Variants in MRPL1 observed in about 807,000 individuals in gnomAD.
The protein encoded by MRPL1 is mitochondrial ribosomal protein L1.
Under a neutral mutation model 38.0 loss-of-function variants are expected in MRPL1, and 28 were observed. The observed-to-expected ratio is 0.74, with a 90% confidence interval of 0.55 to 1.01. The LOEUF (loss-of-function observed/expected upper bound fraction) is 1.01, where lower values mean the gene tolerates loss of function less well. Among genes scored for constraint, MRPL1 ranks in the 50% least tolerant of loss-of-function variants. The probability of loss-of-function intolerance (pLI) is 0.00; values close to 1 mark genes in which losing one functional copy is unlikely to be tolerated. For synonymous variants in MRPL1, 123 were observed against 126.7 expected, an observed-to-expected ratio of 0.97 and a Z score of 0.20; for missense variants, 358 against 389.8, an observed-to-expected ratio of 0.92 and a Z score of 0.69.
chr4:77,889,332 C>T (rs1280976885), intron 5 of MRPL1, among the ~76,000 whole-genome samples: 1 of 152,170 alleles, frequency 6.6e-6, no homozygotes, highest in African/African-American at 2.4e-5. Flanking sequence ...GACACTCACT[C>T]AAAACCGCTC....
rs1264163381 is a variant in MRPL1 at position 77,902,388 on chromosome 4, A to C, written c.671-6878A>C. 2.0e-5 allele frequency among the ~76,000 whole-genome samples: 3 copies of C among 147,798 alleles called. No homozygotes were observed. In the East Asian group the frequency reaches 5.8e-4, roughly 29 times the overall value. ...CAACATAGTGAGACCGGCTTTCTAA[A>C]AAAAAAAAAAAAAAAAACCGAGTTA... On this transcript the variant is annotated intron_variant, in intron 6 of 8. Transcript: ENST00000315567.
chr4:77,892,127 C>CTTTTT (rs34043885), intron 5 of MRPL1, among the ~76,000 whole-genome samples: 1 of 145,008 alleles, frequency 6.9e-6, no homozygotes. Flanking sequence ...GTAGTCATTT[C>CTTTTT]TTTTTTTTTT....
In MRPL1 at chr4:77,952,706, T is replaced by C. The variant is rs1374778129; in HGVS notation, c.*99T>C. ...ACATTTGATGTCTTGTTATTGATCATACTTGAAAGTGAACTTTAACATTGA... is the reference window on the plus strand; with the variant it reads ...ACATTTGATGTCTTGTTATTGATCACACTTGAAAGTGAACTTTAACATTGA... On this transcript the variant is annotated 3_prime_UTR_variant, in exon 9 of 9. Transcript: ENST00000315567. 1 of 721,598 alleles carries C rather than the reference T, an allele frequency of 1.4e-6. No individual in the cohort carries two copies. The highest frequency in any genetic ancestry group is 1.8e-5 in the African/African-American group (1 of 55,186). The allele number at this position is 721,598 out of a possible 1,614,324, so 44.7% of individuals were successfully genotyped here. A position where few individuals can be genotyped will look rare whatever the true frequency, so the allele number is the denominator to read the frequency against.
At chr4:77,870,641 G>A (rs1363139084) in intron 1 of MRPL1, among the ~76,000 whole-genome samples, 2 of 152,028 alleles carry the variant, frequency 1.3e-5, no homozygotes, top group African/African-American at 4.8e-5. Context: ...GAAATATATT[G>A]GTACCTATAT....
intron 7 of MRPL1, among the ~76,000 whole-genome samples, chr4:77,914,823 G>A (rs148150836): frequency 1.2e-4 from 19 of 152,176 alleles, no homozygotes; most frequent in Non-Finnish European, 2.6e-4. Flanking sequence ...CCTATTAAGC[G>A]TCCTTATTTT....
intron 2 of MRPL1, among the ~76,000 whole-genome samples, chr4:77,873,471 A>T (rs182260606): frequency 6.6e-6 from 1 of 152,326 alleles, no homozygotes; most frequent in East Asian, 1.9e-4. Flanking sequence ...TTTATGATGA[A>T]ATTTGCTAGA....
At chr4:77,887,024 C>T (rs1560462532) in intron 4 of MRPL1, among the ~76,000 whole-genome samples, 196 bp from the exon 5 acceptor site, 3 of 151,914 alleles carry the variant, frequency 2.0e-5, no homozygotes, top group African/African-American at 4.8e-5. Context: ...CTCCTGACCT[C>T]GGGAACTATC....
chr4:77,901,775 G>A (rs181825064), intron 6 of MRPL1, among the ~76,000 whole-genome samples: 6 of 152,132 alleles, frequency 3.9e-5, no homozygotes, highest in East Asian at 1.9e-4. Context: ...TTTAATATTC[G>A]TCTCAGTAAC....
intron 1 of MRPL1, among the ~76,000 whole-genome samples, chr4:77,869,817 C>G (rs1425451787): frequency 2.0e-5 from 3 of 152,114 alleles, no homozygotes; most frequent in Non-Finnish European, 4.4e-5. Context: ...TCTCAAACTC[C>G]TGACCTCAGG....
At chr4:77,935,077 T>A (rs1736933713) in intron 7 of MRPL1, among the ~76,000 whole-genome samples, 1 of 152,138 alleles carries the variant, frequency 6.6e-6, no homozygotes, top group South Asian at 2.1e-4. Context: ...TTATTTTGTT[T>A]ATATGACATT....
chr4:77,919,652 A>G (rs1736516637), intron 7 of MRPL1, among the ~76,000 whole-genome samples: 1 of 152,152 alleles, frequency 6.6e-6, no homozygotes, highest in African/African-American at 2.4e-5. Flanking sequence ...CATAAGAAGT[A>G]TTTATCAACA....
chr4:77,884,769 C>T (rs1735635124), intron 3 of MRPL1, among the ~76,000 whole-genome samples: 1 of 152,158 alleles, frequency 6.6e-6, no homozygotes, highest in Non-Finnish European at 1.5e-5. Flanking sequence ...GTCTATTGTT[C>T]AGCATGTACA....
At chr4:77,871,343 C>T (rs572026337) in intron 1 of MRPL1, among the ~76,000 whole-genome samples, 3 of 149,140 alleles carry the variant, frequency 2.0e-5, no homozygotes, top group African/African-American at 7.4e-5. Context: ...ATCACTCTGT[C>T]GCCCAGGCTG....
intron 7 of MRPL1, among the ~76,000 whole-genome samples, chr4:77,946,134 G>A (rs769885340): frequency 4.6e-5 from 7 of 151,996 alleles, no homozygotes; most frequent in African/African-American, 1.2e-4. Flanking sequence ...CAGAGCGGCC[G>A]TTTATAGACC....
intron 5 of MRPL1, among the ~76,000 whole-genome samples, chr4:77,892,825 G>C (rs1317795104): frequency 1.3e-5 from 2 of 152,116 alleles, no homozygotes; most frequent in African/African-American, 4.8e-5. Context: ...CATCCTCCCT[G>C]ATCCCTCAGT....
chr4:77,951,719 A>G (rs1262798298), intron 8 of MRPL1, among the ~76,000 whole-genome samples: 1 of 152,166 alleles, frequency 6.6e-6, no homozygotes, highest in Non-Finnish European at 1.5e-5. Context: ...GTCTGCATGG[A>G]TTCTCTGGGT....
chr4:77,910,951 T>C (rs998031667), intron 7 of MRPL1, among the ~76,000 whole-genome samples: 5 of 152,254 alleles, frequency 3.3e-5, no homozygotes, highest in African/African-American at 7.2e-5. Flanking sequence ...AACATTGTAA[T>C]TGAAAAACCA....
At chr4:77,934,877 A>C (rs1378162616) in intron 7 of MRPL1, among the ~76,000 whole-genome samples, 1 of 152,186 alleles carries the variant, frequency 6.6e-6, no homozygotes, top group Non-Finnish European at 1.5e-5. Context: ...GCATCCTACA[A>C]CATGCATGAA....
intron 6 of MRPL1, chr4:77,908,361 T>C (rs1004602876): frequency 6.2e-6 from 1 of 161,880 alleles, no homozygotes; most frequent in East Asian, 1.9e-4. Flanking sequence ...GCCTCCCAAG[T>C]AGCTGGGATT....
Sources: allele counts gnomAD v4.1 joint callset (sites outside exome capture counted in the v4.1 genomes callset), GRCh38; gene constraint gnomAD v4.1.1; transcripts MANE v1.5; gene names NCBI Gene and HGNC (gene_info 2026-07-23, HGNC 2026-07-21).